The following INPP5A variants were observed in gnomAD, a reference collection of about 807,000 sequenced individuals.
The protein encoded by INPP5A is 43 kDa inositol polyphosphate 5-phophatase.
In INPP5A, 14 loss-of-function variants were observed where a neutral mutation model predicts 65.2. The ratio of observed to expected loss-of-function variants is 0.21; its 90% CI spans 0.14 to 0.34. The LOEUF is 0.34. Among genes scored for constraint, INPP5A ranks in the 10% least tolerant of loss-of-function variants. INPP5A has a pLI of 1.00. For synonymous variants in INPP5A, 207 were observed against 208.3 expected, an observed-to-expected ratio of 0.99 and a Z score of 0.05; for missense variants, 431 against 545.6, an observed-to-expected ratio of 0.79 and a Z score of 2.09.
chr10:132,596,730 C>A (rs956464653), intron 1 of INPP5A, among the ~76,000 whole-genome samples: 21 of 152,294 alleles, frequency 1.4e-4, no homozygotes, highest in Admixed American at 6.5e-4. Flanking sequence ...ACGCCCGGCC[C>A]ATGTGTGTGT....
chr10:132,703,858 C>G (rs1370035635), intron 6 of INPP5A, among the ~76,000 whole-genome samples: 1 of 72,190 alleles, frequency 1.4e-5, no homozygotes, highest in Non-Finnish European at 2.7e-5. Context: ...ACACAAGCTT[C>G]ACCCACACAC....
intron 12 of INPP5A, among the ~76,000 whole-genome samples, chr10:132,775,454 C>T (rs1362564960): frequency 1.3e-5 from 2 of 152,120 alleles, no homozygotes; most frequent in Admixed American, 1.3e-4. Flanking sequence ...CCCGCCAGCA[C>T]CTCCCACCTG....
At chr10:132,658,494 G>T (rs188837308) in intron 4 of INPP5A, among the ~76,000 whole-genome samples, 2 of 152,286 alleles carry the variant, frequency 1.3e-5, no homozygotes, top group East Asian at 3.9e-4. Flanking sequence ...GCTATCAAAC[G>T]GGTGGGAAAA....
chr10:132,750,537 C>T (rs1377779827), intron 11 of INPP5A, among the ~76,000 whole-genome samples: 3 of 152,224 alleles, frequency 2.0e-5, no homozygotes, highest in Non-Finnish European at 4.4e-5. Flanking sequence ...GCGGCCTACA[C>T]ACTCTCTTTA....
rs913347420 is a variant in INPP5A, at chr10:132,742,521, A to G, written c.733-6996A>G. On this transcript the variant is annotated intron_variant, in intron 9 of 15. Coordinates refer to ENST00000368594, the MANE Select transcript of INPP5A (RefSeq NM_005539.5). Reference sequence around the variant, plus strand: ...GTCCTGCCTGCCATCCCCAGGTGGAAGGCGGTTGTATCTAGTCCGGCGCCC... The same window carrying G: ...GTCCTGCCTGCCATCCCCAGGTGGAGGGCGGTTGTATCTAGTCCGGCGCCC... Among the ~76,000 whole-genome samples, 8 of 152,308 alleles carry G rather than the reference A, an allele frequency of 5.3e-5. No individual in the cohort carries two copies. In the East Asian group the frequency reaches 1.5e-3, roughly 29 times the overall value.
At chr10:132,596,944 C>CAT (rs1395970517) in intron 1 of INPP5A, among the ~76,000 whole-genome samples, 18 of 125,676 alleles carry the variant, frequency 1.4e-4, no homozygotes, top group African/African-American at 4.0e-4. Flanking sequence ...CGCATGTGTG[C>CAT]GTGTGTGCAC....
At chr10:132,571,916 T>C (rs1229910225) in intron 1 of INPP5A, among the ~76,000 whole-genome samples, 1 of 152,164 alleles carries the variant, frequency 6.6e-6, no homozygotes, top group African/African-American at 2.4e-5. Context: ...CCGACTGGGC[T>C]AGAGGCAGAG....
intron 1 of INPP5A, among the ~76,000 whole-genome samples, chr10:132,568,587 A>G (rs1017463574): frequency 9.3e-5 from 14 of 151,268 alleles, no homozygotes; most frequent in African/African-American, 3.4e-4. Flanking sequence ...CATCTCTACT[A>G]AAAATACAAA....
chr10:132,717,771 T>C (rs1467461008), intron 8 of INPP5A, among the ~76,000 whole-genome samples: 1 of 144,786 alleles, frequency 6.9e-6, no homozygotes, highest in Non-Finnish European at 1.5e-5. Context: ...GGGTTCTGTC[T>C]GGGCACCTTA....
chr10:132,730,854 C>T (rs1394159190), intron 9 of INPP5A, among the ~76,000 whole-genome samples: 6 of 152,206 alleles, frequency 3.9e-5, no homozygotes, highest in Non-Finnish European at 8.8e-5. Context: ...CCGAGGGCAG[C>T]CCAGGAACCC....
intron 1 of INPP5A, among the ~76,000 whole-genome samples, chr10:132,600,993 A>G (rs2071769551): frequency 6.6e-6 from 1 of 152,190 alleles, no homozygotes; most frequent in Non-Finnish European, 1.5e-5. Context: ...CCACATCAGG[A>G]ATATAGCCAG....
At chr10:132,689,274 G>A (rs1450447859) in intron 4 of INPP5A, among the ~76,000 whole-genome samples, 3 of 152,186 alleles carry the variant, frequency 2.0e-5, no homozygotes, top group Non-Finnish European at 4.4e-5. Flanking sequence ...AAGGCCCTGT[G>A]TGACCTGGTA....
chr10:132,619,634 G>A (rs1423399086), intron 2 of INPP5A, among the ~76,000 whole-genome samples: 1 of 152,206 alleles, frequency 6.6e-6, no homozygotes, highest in East Asian at 1.9e-4. Flanking sequence ...TAGAGGTTCT[G>A]TGAGGGCTGC....
At chr10:132,712,435 G>A (rs111297323) in intron 8 of INPP5A, among the ~76,000 whole-genome samples, 19 of 151,794 alleles carry the variant, frequency 1.3e-4, no homozygotes, top group South Asian at 2.1e-4. Context: ...GTGTGCACGC[G>A]TGTGTGGGTG....
At chr10:132,592,841 T>C (rs980447086) in intron 1 of INPP5A, among the ~76,000 whole-genome samples, 2 of 152,218 alleles carry the variant, frequency 1.3e-5, no homozygotes, top group African/African-American at 4.8e-5. Context: ...CACCAGTTTG[T>C]TGTTTCATGC....
Position 132,575,059 on chromosome 10 carries a change from C to T in INPP5A, c.76-32856C>T, listed in dbSNP as rs1161353500. On this transcript the variant is annotated intron_variant, in intron 1 of 15. Transcript: ENST00000368594. This position sits in a 1 kb window ranked among gnomAD's most constrained non-coding sequence, Gnocchi z 5.4. ...GGAGTCCTCCCGGGGGCTCCGGATT[C>T]GGGGTGTCCGTGGAAAACACATGAT... Among the ~76,000 whole-genome samples, 1 of 152,140 alleles carries T rather than the reference C, an allele frequency of 6.6e-6. No individual in the cohort carries two copies. The highest frequency in any genetic ancestry group is 1.5e-5 in the Non-Finnish European group (1 of 68,022).
In INPP5A at chr10:132,707,836, C is replaced by T. The variant is rs1845562070; in HGVS notation, c.475-477C>T. Among the ~76,000 whole-genome samples, 3 of 152,036 alleles carry T rather than the reference C, an allele frequency of 2.0e-5. No homozygotes were observed. The highest frequency in any genetic ancestry group is 1.3e-4 in the Admixed American group (2 of 15,248). ...GTGAACGGCATCGGTGGGTGAGAGGCATCGGTGGGTGGTGGGGATCAGTGA... is the reference window on the plus strand; with the variant it reads ...GTGAACGGCATCGGTGGGTGAGAGGTATCGGTGGGTGGTGGGGATCAGTGA... On this transcript the variant is annotated intron_variant, in intron 6 of 15. Transcript: ENST00000368594. The surrounding 1 kb of genome is among the most constrained non-coding windows in gnomAD (Gnocchi z 5.5).
chr10:132,602,601 C>T (rs1485370629), intron 1 of INPP5A, among the ~76,000 whole-genome samples: 3 of 152,166 alleles, frequency 2.0e-5, no homozygotes, highest in Non-Finnish European at 4.4e-5. Flanking sequence ...GGCCTTATTT[C>T]TATCAATTTT....
At chr10:132,625,842 G>C (rs112908742) in intron 2 of INPP5A, among the ~76,000 whole-genome samples, 1,210 of 4,920 alleles carry the variant, frequency 0.25, 15 homozygotes, top group African/African-American at 0.4. Context: ...CAGGACTTCT[G>C]TGTGTGTGTG....
Sources: allele counts gnomAD v4.1 joint callset (sites outside exome capture counted in the v4.1 genomes callset), GRCh38; gene constraint gnomAD v4.1.1; non-coding constraint Gnocchi (gnomAD v3.1); transcripts MANE v1.5; gene names NCBI Gene and HGNC (gene_info 2026-07-23, HGNC 2026-07-21).